Variants in TCAF1 observed in about 807,000 individuals in gnomAD.
TCAF1 encodes the protein TRPM8 channel-associated factor 1.
Under a neutral mutation model 27.3 loss-of-function variants are expected in TCAF1, and 4 were observed. The ratio of observed to expected loss-of-function variants is 0.15; its 90% CI spans 0.07 to 0.34. The LOEUF (loss-of-function observed/expected upper bound fraction) is 0.34. Among genes scored for constraint, TCAF1 ranks in the 10% least tolerant of loss-of-function variants. The pLI is 1.00. For missense variants in TCAF1, 257 were observed against 425.8 expected (o/e 0.60, Z 3.49); for synonymous variants, 105 against 167.1 (o/e 0.63, Z 2.87).
chr7:143,874,867 T>C (rs553016245), intron 2 of TCAF1, among the ~76,000 whole-genome samples: 11 of 152,278 alleles, frequency 7.2e-5, no homozygotes, highest in African/African-American at 2.4e-4. Context: ...ATCAGGTTCT[T>C]GAAATAAGAA....
chr7:143,881,402 G>GT (rs1181660598), intron 1 of TCAF1, among the ~76,000 whole-genome samples: 2 of 151,998 alleles, frequency 1.3e-5, no homozygotes, highest in Admixed American at 6.6e-5. Context: ...CCTTCATGCT[G>GT]TTTTTTTCTC....
rs373629994 is a variant in TCAF1 at position 143,876,584 on chromosome 7, C to T, written c.25G>A (p.Glu9Lys). The T allele has an allele frequency of 2.7e-5, 41 of 1,514,830 alleles. No individual in the cohort carries two copies. Among genetic ancestry groups the T allele is most frequent in the African/African-American group, 1.3e-4 (9 of 71,884 alleles). The allele number at this position is 1,514,830 out of a possible 1,614,324, so 93.8% of individuals were successfully genotyped here. Residue 9 changes from glutamate (E) to lysine (K), a missense_variant, in exon 2 of 9, where the codon GAG becomes AAG. Glu to Lys is a moderately conservative substitution (Grantham distance 56). Transcript: ENST00000479870. MATPSAAF[E>K]ALMNGVTSWD... ...CTTGTCACACCATTCATAAGGGCCTCGAAGGCAGCAGAGGGAGTCGCCATG... is the reference window on the plus strand; with the variant it reads ...CTTGTCACACCATTCATAAGGGCCTTGAAGGCAGCAGAGGGAGTCGCCATG...
Position 143,876,165 on chromosome 7 carries a change from C to T in TCAF1, c.444G>A (p.Leu148=). 2 of 1,614,228 alleles carry T rather than the reference C, an allele frequency of 1.2e-6. No homozygotes were observed. Among genetic ancestry groups the T allele is most frequent in the Non-Finnish European group, 8.5e-7 (1 of 1,180,032 alleles). The change falls in exon 2 of 9, where the codon TTG becomes TTA. Residue 148 remains leucine, a synonymous_variant. Transcript: ENST00000479870. ...AATCCCAGGCTTGTCCTCCTATGAGCAAGCCGCCACCACATTTCATGAACT... is the reference window on the plus strand; with the variant it reads ...AATCCCAGGCTTGTCCTCCTATGAGTAAGCCGCCACCACATTTCATGAACT... ...LVKFMKCGGG[L]LIGGQAWDWA... is the part of the protein sequence containing the mutation.
Position 143,893,801 on chromosome 7 carries a change from T to C in TCAF1, c.-15+8160A>G, listed in dbSNP as rs148392317. Among the ~76,000 whole-genome samples the C allele has an allele frequency of 7.4e-3, 1,132 of 152,002 alleles. 46 individuals are homozygous for C. Among genetic ancestry groups the C allele is most frequent in the Admixed American group, 0.065 (992 of 15,300 alleles). On this transcript the variant is annotated intron_variant, in intron 1 of 8. Coordinates refer to ENST00000479870, the MANE Select transcript of TCAF1 (RefSeq NM_014719.3). ...AATTACTTAATAAAGGAAAACTCTA[T>C]AGCTCTAAATGCATACATTAATAAA...
In TCAF1 at chr7:143,876,552, A is replaced by T. The variant is rs773634137; in HGVS notation, c.57T>A (p.Asp19Glu). The part of the protein sequence containing the change: ...EALMNGVTSW[D>E]VPEDAVPCEL... ...CACATGGAACAGCATCTTCGGGTAC[A>T]TCCCAGCTTGTCACACCATTCATAA... Residue 19 changes from aspartate to glutamate, a missense_variant, in exon 2 of 9, where the codon GAT becomes GAA. By Grantham distance (45) the Asp-to-Glu change is conservative (BLOSUM62 2). Around this residue, in one of 2 missense-constraint regions of TCAF1, gnomAD observed 255 missense variants for 260.1 expected, o/e 0.98. Transcript: ENST00000479870. 6.5e-7 allele frequency: 1 copy of T among 1,537,440 alleles called. No individual in the cohort carries two copies. Among genetic ancestry groups the T allele is most frequent in the Non-Finnish European group, 8.7e-7 (1 of 1,146,600 alleles).
intron 2 of TCAF1, 47 bp downstream of exon 2, chr7:143,875,942 T>G: frequency 6.6e-7 from 1 of 1,505,882 alleles, no homozygotes; most frequent in Non-Finnish European, 8.9e-7. Flanking sequence ...GAACTGGGTC[T>G]GCTTTTCAAC....
chr7:143,892,252 TAAAAC>T (rs1408328097), intron 1 of TCAF1, among the ~76,000 whole-genome samples: 1 of 151,852 alleles, frequency 6.6e-6, no homozygotes, highest in Non-Finnish European at 1.5e-5. Flanking sequence ...ATATAAAAAA[TAAAAC>T]AGACAATAGT....
In TCAF1 at chr7:143,885,136, G is replaced by C. The variant is rs901128983; in HGVS notation, c.-14-8514C>G. On this transcript the variant is annotated intron_variant, in intron 1 of 8. Transcript: ENST00000479870. The stretch of plus-strand genomic sequence containing the variant: ...CACCCGCACCTCAGCGGACTGCATC[G>C]GGAGCCGCCCCTGAATTGGTCCGTG... 4.1e-6 allele frequency: 4 copies of C among 985,390 alleles called. No individual in the cohort carries two copies. In the African/African-American group the frequency reaches 7.0e-5, roughly 17 times the overall value. 61.0% of individuals were successfully genotyped at this position (985,390 alleles called of 1,614,324 possible).
intron 1 of TCAF1, among the ~76,000 whole-genome samples, chr7:143,896,062 A>G (rs981031802): frequency 7.2e-5 from 11 of 151,976 alleles, no homozygotes; most frequent in African/African-American, 2.6e-4. Context: ...TTATTCAATG[A>G]CAAGTTATAA....
At chr7:143,885,065 C>G (rs546631759) in intron 1 of TCAF1, 2 of 985,324 alleles carry the variant, frequency 2.0e-6, no homozygotes, top group Admixed American at 6.1e-5. Flanking sequence ...CGTGCGCCCC[C>G]CTCGGCCGCG....
chr7:143,885,087 C>T lies in TCAF1; in HGVS notation c.-14-8465G>A, dbSNP rs2116829685. ...CCCCCTCGGCCGCGCTCCCCAAGGA[C>T]CCCGACCCAGTGCCTCCTTCTCCCA... On this transcript the variant is annotated intron_variant, in intron 1 of 8. Transcript: ENST00000479870. 3.0e-6 allele frequency: 3 copies of T among 985,552 alleles called. No homozygotes were observed. The South Asian group carries it at 1.4e-4, about 46-fold the overall frequency. The allele number at this position is 985,552 out of a possible 1,614,324, so 61.1% of individuals were successfully genotyped here. A position where few individuals can be genotyped will look rare whatever the true frequency, so the allele number is the denominator to read the frequency against.
chr7:143,886,786 C>T lies in TCAF1; in HGVS notation c.-14-10164G>A, dbSNP rs563480580. 2.9e-5 allele frequency among the ~76,000 whole-genome samples: 4 copies of T among 140,164 alleles called. No homozygotes were observed. In the East Asian group the frequency reaches 8.7e-4, roughly 30 times the overall value. The allele number at this position is 140,164 out of a possible 152,430, so 92.0% of individuals were successfully genotyped here. On this transcript the variant is annotated intron_variant, in intron 1 of 8. Coordinates refer to ENST00000479870, the MANE Select transcript of TCAF1 (RefSeq NM_014719.3). ...CTCACTGCAACCTCGAACTCCTGGG[C>T]TCAATCGATCCGCCCACCTCAGCCT...
chr7:143,897,502 G>C (rs1813938320), intron 1 of TCAF1, among the ~76,000 whole-genome samples: 1 of 151,902 alleles, frequency 6.6e-6, no homozygotes, highest in African/African-American at 2.4e-5. Flanking sequence ...TAGGCTATTA[G>C]TATTGAGTTT....
chr7:143,900,966 A>G (rs1814087065), intron 1 of TCAF1, among the ~76,000 whole-genome samples: 1 of 152,200 alleles, frequency 6.6e-6, no homozygotes, highest in Non-Finnish European at 1.5e-5. Context: ...TGGTAAAACT[A>G]AAAAGAAAAG....
At chr7:143,878,890 G>A (rs11768025) in intron 1 of TCAF1, among the ~76,000 whole-genome samples, 69,331 of 151,912 alleles carry the variant, frequency 0.46, 17,144 homozygotes, top group Admixed American at 0.56. Flanking sequence ...GGACTCAACC[G>A]ACCCAATTTC....
intron 1 of TCAF1, among the ~76,000 whole-genome samples, chr7:143,895,836 C>T (rs867652274): frequency 2.2e-4 from 32 of 146,630 alleles, no homozygotes; most frequent in African/African-American, 6.5e-4. Flanking sequence ...GAATTATATG[C>T]GTTAAACCTA....
chr7:143,889,557 G>A (rs1813554395), intron 1 of TCAF1, among the ~76,000 whole-genome samples: 1 of 152,188 alleles, frequency 6.6e-6, no homozygotes, highest in South Asian at 2.1e-4. Context: ...TCAAAGAACT[G>A]TAACAGGAGA....
rs1304451507 is a variant in TCAF1 at position 143,902,078 on chromosome 7, T to A, written c.-132A>T. ...CGGGTTCGGGGCAGTAGCAACCTGCTAGGAGCGGGAGGCGGTTGTTCCCAG... is the reference window on the plus strand; with the variant it reads ...CGGGTTCGGGGCAGTAGCAACCTGCAAGGAGCGGGAGGCGGTTGTTCCCAG... On this transcript the variant is annotated 5_prime_UTR_variant, in exon 1 of 9. Transcript: ENST00000479870. 1 of 152,432 alleles carries A rather than the reference T, an allele frequency of 6.6e-6. No homozygotes were observed. The highest frequency in any genetic ancestry group is 1.5e-5 in the Non-Finnish European group (1 of 68,246). The allele number at this position is 152,432 out of a possible 1,614,324, so 9.4% of individuals were successfully genotyped here.
At chr7:143,893,836 CT>C (rs1554395133) in intron 1 of TCAF1, among the ~76,000 whole-genome samples, 13 of 151,532 alleles carry the variant, frequency 8.6e-5, no homozygotes, top group Non-Finnish European at 4.4e-5. Flanking sequence ...AAGGGAAAGA[CT>C]GAAAGTAAAC....
Sources: allele counts gnomAD v4.1 joint callset (sites outside exome capture counted in the v4.1 genomes callset), GRCh38; gene constraint gnomAD v4.1.1; regional missense constraint gnomAD v4.1.1; transcripts MANE v1.5; gene names NCBI Gene and HGNC (gene_info 2026-07-23, HGNC 2026-07-21).